RSPO1: variants seen among roughly 807,000 people sequenced by gnomAD.
The protein encoded by RSPO1 is R-spondin 1, also known as R-spondin-1.
Under a neutral mutation model 26.0 loss-of-function variants are expected in RSPO1, and 18 were observed. That is an observed-to-expected ratio of 0.69 (90% CI 0.48 to 1.03). The LOEUF is 1.03. Ranked by LOEUF, RSPO1 falls within the 50% of genes least tolerant of loss-of-function variation. RSPO1 has a pLI of 0.00. For missense variants in RSPO1, 309 were observed against 352.3 expected, an observed-to-expected ratio of 0.88 and a Z score of 0.98; for synonymous variants, 133 against 137.4, an observed-to-expected ratio of 0.97 and a Z score of 0.22.
chr1:37,616,434 G>T, intron 4 of RSPO1, 50 bp downstream of exon 4: 1 of 1,575,958 alleles, frequency 6.3e-7, no homozygotes, highest in Non-Finnish European at 8.7e-7. Context: ...CTCTCCCCCA[G>T]TCCAGAGCTT....
Position 37,613,959 on chromosome 1 carries a change from CAGAAT to C in RSPO1, c.437-72_437-68del. The stretch of plus-strand genomic sequence containing the variant: ...GGGGATCATGTCTCCTCCTCTGGCC[CAGAAT>C]AGCCCAGGGGAGCATCTCCCACTTT... On this transcript the variant is annotated intron_variant, in intron 5 of 6. Coordinates refer to ENST00000356545, the MANE Select transcript of RSPO1 (RefSeq NM_001242908.2). This position sits in a 1 kb window ranked among gnomAD's most constrained non-coding sequence, Gnocchi z 4.5. 6.5e-7 allele frequency: 1 copy of C among 1,541,302 alleles called. No homozygotes were observed. Among genetic ancestry groups the C allele is most frequent in the Non-Finnish European group, 9.0e-7 (1 of 1,114,772 alleles).
Position 37,617,618 on chromosome 1 carries a change from T to C in RSPO1, c.95-943A>G, listed in dbSNP as rs1241045347. Among the ~76,000 whole-genome samples, 7 of 123,748 alleles carry C rather than the reference T, an allele frequency of 5.7e-5. No individual in the cohort carries two copies. The East Asian group carries it at 1.9e-3, about 34-fold the overall frequency. The allele number at this position is 123,748 out of a possible 152,430, so 81.2% of individuals were successfully genotyped here. A position where few individuals can be genotyped will look rare whatever the true frequency, so the allele number is the denominator to read the frequency against. On this transcript the variant is annotated intron_variant, in intron 3 of 6. Transcript: ENST00000356545. ...CGGAGTTTGCAGTGAGCTGAGATTG[T>C]GCCATTGCACTCCAGCCCGGATGAC...
intron 2 of RSPO1, among the ~76,000 whole-genome samples, chr1:37,631,046 A>G (rs1253626323): frequency 6.6e-6 from 1 of 152,192 alleles, no homozygotes; most frequent in African/African-American, 2.4e-5. Context: ...CTCAGGAATG[A>G]GAAATCTGAG....
intron 3 of RSPO1, among the ~76,000 whole-genome samples, chr1:37,620,896 T>A (rs1402593720): frequency 6.6e-6 from 1 of 152,176 alleles, no homozygotes; most frequent in African/African-American, 2.4e-5. Flanking sequence ...ATTGTTGACA[T>A]GAATGCGCCC....
chr1:37,621,083 C>T (rs1272717931), intron 3 of RSPO1, among the ~76,000 whole-genome samples: 3 of 152,144 alleles, frequency 2.0e-5, no homozygotes, highest in African/African-American at 7.2e-5. Context: ...AGCAGCAAGT[C>T]CCTGTGTGCA....
At chr1:37,633,286 TGA>T (rs1644385908) in intron 1 of RSPO1, among the ~76,000 whole-genome samples, 1 of 152,158 alleles carries the variant, frequency 6.6e-6, no homozygotes, top group African/African-American at 2.4e-5. Context: ...TGGGAGCTGC[TGA>T]GTGTGGGGCA....
rs1212175634 is a variant in RSPO1 at position 37,614,261 on chromosome 1, A to C, written c.359T>G (p.Leu120Arg). 1.9e-6 allele frequency: 3 copies of C among 1,613,864 alleles called. No individual in the cohort carries two copies. The Admixed American group carries it at 5.0e-5, about 27-fold the overall frequency. Reference sequence around the variant, plus strand: ...AGCTGGATAGCAGCGGCCCTTGTGCAGGTACAAGCCCTCCTTACACTTGGT... The same window carrying C: ...AGCTGGATAGCAGCGGCCCTTGTGCCGGTACAAGCCCTCCTTACACTTGGT... ...FCTKCKEGLYLHKGRCYPACP... is the reference protein window; with the variant it reads ...FCTKCKEGLYRHKGRCYPACP... Residue 120 changes from leucine (L) to arginine (R), a missense_variant, in exon 5 of 7, where the codon CTG (leucine) becomes CGG (arginine). Coordinates refer to ENST00000356545, the MANE Select transcript of RSPO1 (RefSeq NM_001242908.2).
At position 37,634,419 on chromosome 1, in the gene RSPO1, G is replaced by C. The variant is rs1208477252; in HGVS notation, c.-356+147C>G. ...CAGGAGGTGCCCTGTCCTGATCGCC[G>C]ACCGGAGAGCGATCAGACTCCCCTT... is the stretch of plus-strand genomic sequence containing the variant. On this transcript the variant is annotated intron_variant, in intron 1 of 6. Coordinates refer to ENST00000356545, the MANE Select transcript of RSPO1 (RefSeq NM_001242908.2). The surrounding 1 kb of genome is among the most constrained non-coding windows in gnomAD (Gnocchi z 4.7). 1 of 152,216 alleles carries C rather than the reference G, an allele frequency of 6.6e-6. No homozygotes were observed. The highest frequency in any genetic ancestry group is 1.5e-5 in the Non-Finnish European group (1 of 68,096). The allele number at this position is 152,216 out of a possible 1,614,324, so 9.4% of individuals were successfully genotyped here.
intron 3 of RSPO1, among the ~76,000 whole-genome samples, chr1:37,629,305 G>A (rs1644322648): frequency 6.6e-6 from 1 of 152,220 alleles, no homozygotes; most frequent in Non-Finnish European, 1.5e-5. Context: ...TCACAAGAGA[G>A]GGGTTAATCT....
At position 37,614,344 on chromosome 1, in the gene RSPO1, G is replaced by A. The variant is rs1644078181; in HGVS notation, c.287-11C>T. The A allele has an allele frequency of 6.2e-7, 1 of 1,613,264 alleles. No homozygotes were observed. Among genetic ancestry groups the A allele is most frequent in the Non-Finnish European group, 8.5e-7 (1 of 1,180,028 alleles). Reference sequence around the variant, plus strand: ...GCTCGATCTTGCATTCTGAGGAGAGGACAGATTGGGGGCTTCTGGCCCAGC... The same window carrying A: ...GCTCGATCTTGCATTCTGAGGAGAGAACAGATTGGGGGCTTCTGGCCCAGC... On this transcript the variant is annotated splice_polypyrimidine_tract_variant and intron_variant, in intron 4 of 6. Transcript: ENST00000356545.
Position 37,629,725 on chromosome 1 carries a change from G to A in RSPO1, c.-64C>T, listed in dbSNP as rs922152375. On this transcript the variant is annotated 5_prime_UTR_variant, in exon 3 of 7. Coordinates refer to ENST00000356545, the MANE Select transcript of RSPO1 (RefSeq NM_001242908.2). ...GTCTCGGGGAGGGTGGATAGCACAC[G>A]GCTCTTGCTAACACCTCTGGGGCTG... is the stretch of plus-strand genomic sequence containing the variant. 13 of 1,595,728 alleles carry A rather than the reference G, an allele frequency of 8.1e-6. No homozygotes were observed. Among genetic ancestry groups the A allele is most frequent in the East Asian group, 2.3e-5 (1 of 43,614 alleles).
intron 2 of RSPO1, among the ~76,000 whole-genome samples, chr1:37,630,434 G>A (rs995081681): frequency 2.6e-5 from 4 of 152,192 alleles, no homozygotes; most frequent in Non-Finnish European, 5.9e-5. Flanking sequence ...AGTGGCCCCC[G>A]GCAAGCTGGC....
chr1:37,628,634 C>T (rs966350822), intron 3 of RSPO1, among the ~76,000 whole-genome samples: 2 of 152,348 alleles, frequency 1.3e-5, no homozygotes, highest in African/African-American at 4.8e-5. Flanking sequence ...CCCTCACACA[C>T]AGTGGCCACC....
At chr1:37,616,028 G>A (rs747086549) in intron 4 of RSPO1, among the ~76,000 whole-genome samples, 12 of 152,208 alleles carry the variant, frequency 7.9e-5, no homozygotes, top group Admixed American at 2.0e-4. Context: ...TCTCAGAAGC[G>A]TCTTTCTGGC....
intron 3 of RSPO1, among the ~76,000 whole-genome samples, chr1:37,619,905 G>A (rs1644174649): frequency 6.6e-6 from 1 of 151,892 alleles, no homozygotes; most frequent in African/African-American, 2.4e-5. Context: ...CTGCCACCAT[G>A]CCTGTCTAAG....
chr1:37,626,072 C>G (rs1644271600), intron 3 of RSPO1, among the ~76,000 whole-genome samples: 2 of 152,146 alleles, frequency 1.3e-5, no homozygotes, highest in African/African-American at 4.8e-5. Flanking sequence ...CCACCTCCCC[C>G]ACCCTCTATG....
chr1:37,614,230 G>A lies in RSPO1; in HGVS notation c.390C>T (p.Pro130=), dbSNP rs757511833. ...LHKGRCYPAC[P]EGSSAANGTM... is the part of the protein sequence containing the mutation. ...TGCCATTGGCAGCTGAGGAGCCCTC[G>A]GGACAAGCTGGATAGCAGCGGCCCT... Residue 130 remains proline, a synonymous_variant, in exon 5 of 7, where the codon CCC becomes CCT. Coordinates refer to ENST00000356545, the MANE Select transcript of RSPO1 (RefSeq NM_001242908.2). The A allele has an allele frequency of 6.2e-6, 10 of 1,613,396 alleles. No homozygotes were observed. Among genetic ancestry groups the A allele is most frequent in the East Asian group, 4.5e-5 (2 of 44,892 alleles).
At chr1:37,626,396 C>G (rs1402458291) in intron 3 of RSPO1, among the ~76,000 whole-genome samples, 3 of 152,178 alleles carry the variant, frequency 2.0e-5, no homozygotes, top group Non-Finnish European at 2.9e-5. Flanking sequence ...CCCAGCTACT[C>G]CTAGCTGCAC....
chr1:37,616,426 C>T, intron 4 of RSPO1, 58 bp downstream of exon 4: 1 of 1,540,920 alleles, frequency 6.5e-7, no homozygotes, highest in Non-Finnish European at 9.0e-7. Context: ...TCAAAGCACT[C>T]TCCCCCAGTC....
Sources: gnomAD v4.1 joint callset for allele counts (sites outside exome capture counted in the v4.1 genomes callset) on GRCh38, gnomAD v4.1.1 for gene constraint, Gnocchi (gnomAD v3.1) non-coding constraint, MANE v1.5 for transcripts, NCBI Gene and HGNC (gene_info 2026-07-23, HGNC 2026-07-21) for gene names.